The following FOXP1 variants were observed in gnomAD, a reference collection of about 807,000 sequenced individuals.
The protein encoded by FOXP1 is forkhead box P1, also known as forkhead box protein P1.
In FOXP1, 15 loss-of-function variants were observed where a neutral mutation model predicts 98.2. The observed-to-expected ratio is 0.15, with a 90% CI of 0.10 to 0.24. FOXP1 has a LOEUF of 0.24. Among genes scored for constraint, FOXP1 ranks in the 10% least tolerant of loss-of-function variants. FOXP1 has a pLI of 1.00. For synonymous variants in FOXP1, 371 were observed against 314.5 expected (o/e 1.18, Z -1.90); for missense variants, 633 against 848.5 (o/e 0.75, Z 3.15).
At chr3:71,465,565 A>C (rs187747540) in intron 3 of FOXP1, among the ~76,000 whole-genome samples, 1 of 152,282 alleles carries the variant, frequency 6.6e-6, no homozygotes, top group Admixed American at 6.5e-5. Flanking sequence ...GTTTTACATC[A>C]CTGAAGATGG....
chr3:71,018,939 T>C (rs2044963905), intron 11 of FOXP1, among the ~76,000 whole-genome samples: 1 of 152,216 alleles, frequency 6.6e-6, no homozygotes, highest in African/African-American at 2.4e-5. Context: ...CAGGACTTGA[T>C]TTCCAGTCTG....
chr3:71,423,676 G>A (rs2083849356), intron 3 of FOXP1, among the ~76,000 whole-genome samples: 1 of 152,226 alleles, frequency 6.6e-6, no homozygotes, highest in Non-Finnish European at 1.5e-5. Context: ...GGCCTCCCAG[G>A]CTGGCCTGTG....
At chr3:71,010,718 G>A (rs189447055) in intron 12 of FOXP1, among the ~76,000 whole-genome samples, 222 of 152,200 alleles carry the variant, frequency 1.5e-3, no homozygotes, top group African/African-American at 5.1e-3. Flanking sequence ...GAAGAGAAGC[G>A]TAGACTAGAG....
At chr3:71,210,193 G>C (rs914615020) in intron 5 of FOXP1, among the ~76,000 whole-genome samples, 2 of 152,036 alleles carry the variant, frequency 1.3e-5, no homozygotes, top group African/African-American at 4.8e-5. Flanking sequence ...ATCCCCCTCC[G>C]GAGTTCCACT....
intron 2 of FOXP1, chr3:71,568,055 A>C: frequency 1.4e-5 from 1 of 72,820 alleles, no homozygotes; most frequent in Non-Finnish European, 2.5e-5. Flanking sequence ...AGGGGAGGGG[A>C]GGGGAAGAGG....
At chr3:71,301,423 A>T (rs2073836150) in intron 4 of FOXP1, among the ~76,000 whole-genome samples, 1 of 152,204 alleles carries the variant, frequency 6.6e-6, no homozygotes, top group South Asian at 2.1e-4. Context: ...AGCTCAGTAG[A>T]TACAAAGCGC....
At chr3:71,377,436 C>T (rs1277786171) in intron 3 of FOXP1, among the ~76,000 whole-genome samples, 2 of 152,126 alleles carry the variant, frequency 1.3e-5, no homozygotes, top group African/African-American at 2.4e-5. Context: ...TTTACATAAT[C>T]ACATTCAACC....
rs539271265 is a variant in FOXP1, at chr3:70,962,098, A to G, written c.1890-2707T>C. Among the ~76,000 whole-genome samples the G allele has an allele frequency of 1.0e-3, 154 of 152,268 alleles. 1 individual carries two copies. Among genetic ancestry groups the G allele is most frequent in the African/African-American group, 3.5e-3 (145 of 41,542 alleles). ...AAGGCCAGTTTTCTTATTTTTGCCA[A>G]TCTGTTTCCATTTGAGGTCATATTT... On this transcript the variant is annotated intron_variant, in intron 20 of 20. Transcript: ENST00000649528.
intron 5 of FOXP1, among the ~76,000 whole-genome samples, chr3:71,279,192 A>AAAAAAAAAAAAAAAAAAAC (rs368277709): frequency 1.4e-5 from 2 of 139,358 alleles, no homozygotes; most frequent in Non-Finnish European, 3.2e-5. Flanking sequence ...AAAAAAAAAA[A>AAAAAAAAAAAAAAAAAAAC]AGAAAGAAAT....
intron 3 of FOXP1, among the ~76,000 whole-genome samples, chr3:71,459,426 G>A (rs1304489343): frequency 6.6e-6 from 1 of 152,212 alleles, no homozygotes; most frequent in Non-Finnish European, 1.5e-5. Context: ...CAGTTAAGAA[G>A]TATTTAAATA....
In FOXP1 at chr3:71,439,431, C is replaced by T. The variant is rs114793932; in HGVS notation, c.-168+53995G>A. On this transcript the variant is annotated intron_variant, in intron 3 of 20. Transcript: ENST00000649528. ...TTTCAGCTAAGAAAAGGTAAGAAAA[C>T]TTAGAAGAAGGAAAAATAGAATTAC... Among the ~76,000 whole-genome samples the T allele has an allele frequency of 4.7e-3, 723 of 152,212 alleles. 9 individuals are homozygous for T. Among genetic ancestry groups the T allele is most frequent in the African/African-American group, 0.017 (696 of 41,516 alleles).
chr3:71,225,668 GA>G (rs1560145264), intron 5 of FOXP1, among the ~76,000 whole-genome samples: 1 of 152,186 alleles, frequency 6.6e-6, no homozygotes, highest in Non-Finnish European at 1.5e-5. Context: ...TTCCTTGCCA[GA>G]AATAGCTAGC....
chr3:71,553,918 A>G (rs2045946066), intron 2 of FOXP1, among the ~76,000 whole-genome samples: 1 of 152,198 alleles, frequency 6.6e-6, no homozygotes, highest in African/African-American at 2.4e-5. Context: ...TTTCTATTCA[A>G]GTGATATATA....
At chr3:71,291,046 A>G (rs1239356501) in intron 5 of FOXP1, among the ~76,000 whole-genome samples, 1 of 152,138 alleles carries the variant, frequency 6.6e-6, no homozygotes, top group African/African-American at 2.4e-5. Flanking sequence ...TTTACACAGC[A>G]ACCCTTCCCT....
intron 6 of FOXP1, among the ~76,000 whole-genome samples, chr3:71,176,219 G>A (rs2061930457): frequency 6.6e-6 from 1 of 152,270 alleles, no homozygotes; most frequent in East Asian, 1.9e-4. Flanking sequence ...TGGGGCACCT[G>A]GAGAAAGTCT....
At chr3:70,972,285 T>C (rs2036435111) in intron 18 of FOXP1, 1 of 1,097,774 alleles carries the variant, frequency 9.1e-7, no homozygotes, top group African/African-American at 1.6e-5. Flanking sequence ...GAAAATAAAA[T>C]GCAATAAGCA....
intron 4 of FOXP1, among the ~76,000 whole-genome samples, chr3:71,316,030 G>A (rs1477661144): frequency 6.6e-6 from 1 of 152,186 alleles, no homozygotes. Flanking sequence ...AAAGTGAAGT[G>A]GAGAGATCAT....
intron 2 of FOXP1, among the ~76,000 whole-genome samples, chr3:71,523,692 T>C (rs1422778246): frequency 1.8e-4 from 27 of 152,292 alleles, no homozygotes; most frequent in Admixed American, 1.6e-3. Flanking sequence ...TTTCCACATA[T>C]GCATTTGTAG....
chr3:71,505,896 C>G (rs1457140015), intron 2 of FOXP1, among the ~76,000 whole-genome samples: 1 of 152,216 alleles, frequency 6.6e-6, no homozygotes, highest in African/African-American at 2.4e-5. Context: ...CCGGAAGCCT[C>G]TCAAATGAAA....
Sources: allele counts gnomAD v4.1 joint callset (sites outside exome capture counted in the v4.1 genomes callset), GRCh38; gene constraint gnomAD v4.1.1; transcripts MANE v1.5; gene names NCBI Gene and HGNC (gene_info 2026-07-23, HGNC 2026-07-21).